PHF20: variants seen among roughly 807,000 people sequenced by gnomAD.
PHF20 encodes the protein PHD finger protein 20, also known as glioma-expressed antigen 2.
In PHF20, 23 loss-of-function variants were observed where a neutral mutation model predicts 113.5. That is an observed-to-expected ratio of 0.20 (90% CI 0.15 to 0.29). The LOEUF is 0.29. Ranked by LOEUF, PHF20 falls within the 10% of genes least tolerant of loss-of-function variation. The probability of loss-of-function intolerance (pLI) is 1.00; values close to 1 mark genes in which losing one functional copy is unlikely to be tolerated. For missense variants in PHF20, 943 were observed against 1,219.6 expected (o/e 0.77, Z 3.38); for synonymous variants, 434 against 457.3 (o/e 0.95, Z 0.65).
In PHF20 at chr20:35,871,673, G is replaced by C; in HGVS notation, c.1126G>C (p.Ala376Pro). Residue 376 changes from alanine (A) to proline (P), a missense_variant, in exon 9 of 18, where the codon GCT (alanine) becomes CCT (proline). Physicochemically the swap from Ala to Pro is conservative, Grantham distance 27. Transcript: ENST00000374012. ...EEGQLKSALE[A>P]GQVSSALTCH... Reference sequence around the variant, plus strand: ...AGGTCAGTTGAAGTCTGCTTTGGAAGCTGGCCAGGTCTCATCTGCACTGAC... The same window carrying C: ...AGGTCAGTTGAAGTCTGCTTTGGAACCTGGCCAGGTCTCATCTGCACTGAC... The C allele has an allele frequency of 6.2e-7, 1 of 1,603,178 alleles. No homozygotes were observed. The highest frequency in any genetic ancestry group is 8.5e-7 in the Non-Finnish European group (1 of 1,175,926).
intron 15 of PHF20, among the ~76,000 whole-genome samples, chr20:35,932,944 G>A (rs2055789080): frequency 6.6e-6 from 1 of 152,104 alleles, no homozygotes; most frequent in Non-Finnish European, 1.5e-5. Flanking sequence ...GAGTCATATA[G>A]TGTTTGTCTT....
chr20:35,940,977 G>C lies in PHF20; in HGVS notation c.2826G>C (p.Leu942=). The C allele has an allele frequency of 6.2e-7, 1 of 1,614,174 alleles. No individual in the cohort carries two copies. Among genetic ancestry groups the C allele is most frequent in the South Asian group, 1.1e-5 (1 of 91,082 alleles). Residue 942 remains leucine, a synonymous_variant, in exon 17 of 18, where the codon CTG becomes CTC. Coordinates refer to ENST00000374012, the MANE Select transcript of PHF20 (RefSeq NM_016436.5). The part of the protein sequence containing the change: ...LSSQHQWQFN[L]LTHVESLQDE... ...CCCAGCACCAGTGGCAGTTTAACCT[G>C]CTGACCCATGTGGAATCTCTTCAGG...
At chr20:35,811,920 G>A (rs1229035769) in intron 2 of PHF20, among the ~76,000 whole-genome samples, 2 of 151,908 alleles carry the variant, frequency 1.3e-5, no homozygotes, top group Non-Finnish European at 1.5e-5. Context: ...ACAGGCACCC[G>A]CCACCACGCC....
intron 2 of PHF20, among the ~76,000 whole-genome samples, chr20:35,816,948 G>A (rs111710162): frequency 0.048 from 7,233 of 150,572 alleles, 212 homozygotes; most frequent in African/African-American, 0.089. Flanking sequence ...GCACCACTAC[G>A]CCTGGCTAAT....
chr20:35,897,493 G>T (rs1384418422), intron 9 of PHF20, among the ~76,000 whole-genome samples: 1 of 144,126 alleles, frequency 6.9e-6, no homozygotes, highest in East Asian at 2.1e-4. Flanking sequence ...ACAATAAATT[G>T]TTATTAATTA....
intron 9 of PHF20, among the ~76,000 whole-genome samples, chr20:35,897,218 T>A (rs1298012895): frequency 6.6e-6 from 1 of 151,992 alleles, no homozygotes; most frequent in Non-Finnish European, 1.5e-5. Flanking sequence ...AATTTTTTTT[T>A]TTGTAGAGAT....
At chr20:35,897,576 T>C (rs2055009828) in intron 9 of PHF20, among the ~76,000 whole-genome samples, 1 of 147,002 alleles carries the variant, frequency 6.8e-6, no homozygotes, top group Admixed American at 6.8e-5. Context: ...TTTTTTTTTT[T>C]TTTTTTCTGA....
intron 2 of PHF20, among the ~76,000 whole-genome samples, chr20:35,826,810 A>T (rs968834564): frequency 6.6e-6 from 1 of 152,146 alleles, no homozygotes; most frequent in African/African-American, 2.4e-5. Context: ...TTTAGGGGTG[A>T]TGTGTACATA....
At chr20:35,884,043 ATGGTGTTTC>A (rs1020001748) in intron 9 of PHF20, among the ~76,000 whole-genome samples, 6 of 152,222 alleles carry the variant, frequency 3.9e-5, no homozygotes, top group South Asian at 2.1e-4. Context: ...TGGAAACTGA[ATGGTGTTTC>A]TGGTGTTTCT....
chr20:35,904,153 TGTTTTAGTTTA>T (rs1376190594), intron 10 of PHF20, among the ~76,000 whole-genome samples: 2 of 152,106 alleles, frequency 1.3e-5, no homozygotes, highest in Admixed American at 6.6e-5. Context: ...AGGCAGCCTG[TGTTTTAGTTTA>T]CAGGCAGTGT....
chr20:35,788,674 T>C (rs1458381087), intron 1 of PHF20, among the ~76,000 whole-genome samples: 1 of 152,124 alleles, frequency 6.6e-6, no homozygotes, highest in Non-Finnish European at 1.5e-5. Flanking sequence ...ACCTCCCATG[T>C]TCAAGCGTTT....
chr20:35,773,545 A>G (rs991162425), intron 1 of PHF20, among the ~76,000 whole-genome samples: 8 of 152,080 alleles, frequency 5.3e-5, no homozygotes, highest in Non-Finnish European at 7.4e-5. Flanking sequence ...TTCCTCTCCT[A>G]AAGGGCTACC....
At chr20:35,783,224 G>C (rs922406840) in intron 1 of PHF20, among the ~76,000 whole-genome samples, 1 of 151,970 alleles carries the variant, frequency 6.6e-6, no homozygotes, top group African/African-American at 2.4e-5. Flanking sequence ...AAAAGAAAAA[G>C]AAAACATAGT....
intron 10 of PHF20, among the ~76,000 whole-genome samples, chr20:35,912,764 G>A (rs768406864): frequency 3.3e-5 from 5 of 152,116 alleles, no homozygotes; most frequent in Admixed American, 6.6e-5. Context: ...CCCGGGAGGC[G>A]GAGGTTGCAG....
At position 35,947,952 on chromosome 20, in the gene PHF20, A is replaced by G. The variant is rs536860658; in HGVS notation, c.*325A>G. ...TGATAAACGGAATGAGAGCCAAAAA[A>G]GTTTAGTTGGAGACAGTTGTAAATT... On this transcript the variant is annotated 3_prime_UTR_variant, in exon 18 of 18. Transcript: ENST00000374012. The G allele has an allele frequency of 4.5e-6, 1 of 224,042 alleles. No homozygotes were observed. The highest frequency in any genetic ancestry group is 2.2e-5 in the African/African-American group (1 of 44,494). 13.9% of individuals were successfully genotyped at this position (224,042 alleles called of 1,614,324 possible). A position where few individuals can be genotyped will look rare whatever the true frequency, so the allele number is the denominator to read the frequency against.
chr20:35,780,552 T>A (rs1454346642), intron 1 of PHF20, among the ~76,000 whole-genome samples: 1 of 2,328 alleles, frequency 4.3e-4, no homozygotes, highest in Non-Finnish European at 1.2e-3. Context: ...TTTTCTTTTC[T>A]TTTTTTTTTT....
Position 35,842,677 on chromosome 20 carries a change from C to G in PHF20, c.188C>G (p.Pro63Arg). 1 of 1,614,076 alleles carries G rather than the reference C, an allele frequency of 6.2e-7. No homozygotes were observed. The highest frequency in any genetic ancestry group is 2.2e-5 in the East Asian group (1 of 44,888). ...GATGAGTGGTTCTGCTGGGACAGTC[C>G]TTATTTACGCCCTTTAGAGAAAATA... ...RYDEWFCWDS[P>R]YLRPLEKIQL... is the part of the protein sequence containing the mutation. Residue 63 changes from proline (P) to arginine (R), a missense_variant, in exon 3 of 18, where the codon CCT becomes CGT. This residue lies in a region of PHF20 where 592 missense variants were observed against 787.2 expected (regional missense o/e 0.75). Transcript: ENST00000374012.
chr20:35,778,907 A>C (rs1355542296), intron 1 of PHF20, among the ~76,000 whole-genome samples: 1 of 152,204 alleles, frequency 6.6e-6, no homozygotes, highest in African/African-American at 2.4e-5. Context: ...TAGAAGCCTA[A>C]TATGAGTGAC....
intron 2 of PHF20, chr20:35,801,902 C>T (rs1324941449): frequency 2.2e-5 from 5 of 227,542 alleles, no homozygotes; most frequent in Non-Finnish European, 3.5e-5. Context: ...AGCTCTCTTG[C>T]TCCTGGCTGC....
Sources: allele counts gnomAD v4.1 joint callset (sites outside exome capture counted in the v4.1 genomes callset), GRCh38; gene constraint gnomAD v4.1.1; regional missense constraint gnomAD v4.1.1; transcripts MANE v1.5; gene names NCBI Gene and HGNC (gene_info 2026-07-23, HGNC 2026-07-21).